The following TENM2 variants were observed in gnomAD, a reference collection of about 807,000 sequenced individuals.
TENM2 encodes teneurin-2.
In TENM2, 52 loss-of-function variants were observed where a neutral mutation model predicts 245.2. The observed-to-expected ratio is 0.21, with a 90% CI of 0.17 to 0.27. The LOEUF (loss-of-function observed/expected upper bound fraction) is 0.27. Ranked by LOEUF, TENM2 falls within the 10% of genes least tolerant of loss-of-function variation. TENM2 has a pLI of 1.00. For missense variants in TENM2, 3,046 were observed against 3,666.8 expected (o/e 0.83, Z 4.37); for synonymous variants, 1,363 against 1,438.9 (o/e 0.95, Z 1.19).
the TENM2 span, among the ~76,000 whole-genome samples, chr5:167,203,848 C>T: frequency 3.4e-5 from 5 of 145,848 alleles, no homozygotes; most frequent in Admixed American, 6.8e-5. Context: ...TCTTGCATAC[C>T]GAAAAAAAAG....
At chr5:167,774,202 AAGGG>A (rs1162159998) in intron 2 of TENM2, among the ~76,000 whole-genome samples, 5 of 70,050 alleles carry the variant, frequency 7.1e-5, no homozygotes, top group South Asian at 1.8e-3. Flanking sequence ...GGGAAGGAGG[AAGGG>A]AGGGAGGGAG....
intron 12 of TENM2, among the ~76,000 whole-genome samples, chr5:168,137,091 T>A (rs1431537664): frequency 6.6e-6 from 1 of 152,192 alleles, no homozygotes; most frequent in Non-Finnish European, 1.5e-5. Flanking sequence ...TCACAAAAAG[T>A]ACGTCCTGCC....
At chr5:167,414,260 C>T (rs952924679) in intron 2 of TENM2, among the ~76,000 whole-genome samples, 1 of 151,954 alleles carries the variant, frequency 6.6e-6, no homozygotes, top group Admixed American at 6.6e-5. Context: ...GTTGATCTCT[C>T]TAAGTGCATG....
chr5:167,587,117 G>A (rs993398584), intron 2 of TENM2, among the ~76,000 whole-genome samples: 7 of 152,108 alleles, frequency 4.6e-5, no homozygotes, highest in African/African-American at 1.7e-4. Context: ...ATATAATGGG[G>A]AAGGGCAGGG....
intron 2 of TENM2, among the ~76,000 whole-genome samples, chr5:167,379,543 C>A (rs1581889286): frequency 6.6e-6 from 1 of 152,120 alleles, no homozygotes; most frequent in South Asian, 2.1e-4. Context: ...TAAACACAAA[C>A]TAAACATGCG....
the TENM2 span, among the ~76,000 whole-genome samples, chr5:167,126,749 T>C: frequency 6.6e-6 from 1 of 152,252 alleles, no homozygotes; most frequent in South Asian, 2.1e-4. Context: ...TTAAAAATTA[T>C]ATAGAGGAAA....
intron 7 of TENM2, among the ~76,000 whole-genome samples, chr5:168,069,332 A>G (rs1013968831): frequency 6.6e-6 from 1 of 152,226 alleles, no homozygotes; most frequent in Non-Finnish European, 1.5e-5. Context: ...GAAAAGCTTT[A>G]TTCCAAGATC....
chr5:167,350,912 TGGGATATATAC>T (rs1758848874), intron 1 of TENM2, among the ~76,000 whole-genome samples: 9 of 85,772 alleles, frequency 1.0e-4, no homozygotes, highest in East Asian at 3.8e-4. Context: ...GATATATATA[TGGGATATATAC>T]ATATGGATAT....
At chr5:167,410,537 C>G (rs750172764) in intron 2 of TENM2, among the ~76,000 whole-genome samples, 1 of 135,510 alleles carries the variant, frequency 7.4e-6, no homozygotes, top group African/African-American at 2.6e-5. Flanking sequence ...AATTCAGCTT[C>G]TGTGTCTTAC....
Position 167,304,724 on chromosome 5 carries a change from A to G in TENM2, c.226+19661A>G, listed in dbSNP as rs185112673. ...AGTTTTGGATTTACATGACAGTTGC[A>G]AAAATATTATGGAGTATCCTGGTTG... On this transcript the variant is annotated intron_variant, in intron 1 of 28. Coordinates refer to ENST00000518659, the Ensembl canonical transcript of TENM2. Among the ~76,000 whole-genome samples, 530 of 152,254 alleles carry G rather than the reference A, an allele frequency of 3.5e-3. 2 individuals are homozygous for G. The highest frequency in any genetic ancestry group is 6.3e-3 in the Non-Finnish European group (426 of 68,012).
intron 5 of TENM2, among the ~76,000 whole-genome samples, chr5:168,002,587 A>G (rs1277418675): frequency 1.3e-5 from 2 of 152,202 alleles, no homozygotes; most frequent in East Asian, 3.8e-4. Flanking sequence ...TATGCACCAA[A>G]TTTTACAAAC....
intron 1 of TENM2, among the ~76,000 whole-genome samples, chr5:167,336,707 C>T (rs1277420322): frequency 1.3e-5 from 2 of 151,944 alleles, no homozygotes; most frequent in South Asian, 2.1e-4. Flanking sequence ...ATTCAAAATG[C>T]TCCAAAATCC....
rs994853705 is a variant in TENM2, at chr5:167,536,738, C to A, written c.502+161265C>A. Among the ~76,000 whole-genome samples the A allele has an allele frequency of 1.3e-4, 20 of 152,172 alleles. No homozygotes were observed. The South Asian group carries it at 1.9e-3, about 14-fold the overall frequency. On this transcript the variant is annotated intron_variant, in intron 2 of 28. Transcript: ENST00000518659. The stretch of plus-strand genomic sequence containing the variant: ...CTAGTTCAAGATTAGATGTCCAGGT[C>A]AGGTACAGTGGCTCATGCCTATATT...
chr5:168,190,102 T>A (rs190590848), intron 13 of TENM2, among the ~76,000 whole-genome samples: 1 of 152,348 alleles, frequency 6.6e-6, no homozygotes, highest in East Asian at 1.9e-4. Flanking sequence ...AACACACTAA[T>A]CTGCTACATG....
chr5:168,062,271 A>G lies in TENM2; in HGVS notation c.1515+6A>G. On this transcript the variant is annotated splice_donor_region_variant and intron_variant, in intron 7 of 28. Transcript: ENST00000518659. ...TTCCACCATCTCATGCCCAGGTATG[A>G]CCATGTTTGATGTAATCAAGCATTT... The G allele has an allele frequency of 6.2e-7, 1 of 1,612,400 alleles. No homozygotes were observed. Among genetic ancestry groups the G allele is most frequent in the Admixed American group, 1.7e-5 (1 of 59,900 alleles).
the TENM2 span, among the ~76,000 whole-genome samples, chr5:167,123,592 A>G: frequency 6.6e-6 from 1 of 152,230 alleles, no homozygotes; most frequent in East Asian, 1.9e-4. Context: ...CCTCTGGTTT[A>G]TACCACGGGG....
At chr5:167,091,598 T>C in the TENM2 span, among the ~76,000 whole-genome samples, 1 of 152,216 alleles carries the variant, frequency 6.6e-6, no homozygotes, top group Non-Finnish European at 1.5e-5. Flanking sequence ...AGTTTAGGGA[T>C]ATTTTTATAA....
At chr5:167,567,612 T>TC (rs1773990982) in intron 2 of TENM2, among the ~76,000 whole-genome samples, 1 of 152,134 alleles carries the variant, frequency 6.6e-6, no homozygotes, top group African/African-American at 2.4e-5. Flanking sequence ...TGTTAATTCT[T>TC]CCTACCACAA....
chr5:167,170,349 T>C, the TENM2 span, among the ~76,000 whole-genome samples: 1 of 152,224 alleles, frequency 6.6e-6, no homozygotes, highest in African/African-American at 2.4e-5. Flanking sequence ...AGCAAACTTC[T>C]GCATAAATAC....
Sources: allele counts gnomAD v4.1 joint callset (sites outside exome capture counted in the v4.1 genomes callset), GRCh38; gene constraint gnomAD v4.1.1; transcripts MANE v1.5; gene names NCBI Gene and HGNC (gene_info 2026-07-23, HGNC 2026-07-21).